The following KLF11 variants were observed in gnomAD, a reference collection of about 807,000 sequenced individuals.
KLF11 encodes KLF transcription factor 11.
Under a neutral mutation model 29.9 loss-of-function variants are expected in KLF11, and 26 were observed. That is an observed-to-expected ratio of 0.87 (90% CI 0.64 to 1.21). KLF11 has a LOEUF of 1.21. Ranked by LOEUF, KLF11 falls within the 50% of genes most tolerant of loss-of-function variation. The pLI is 0.00. For missense variants in KLF11, 778 were observed against 665.7 expected, an observed-to-expected ratio of 1.17 and a Z score of -1.86; for synonymous variants, 318 against 257.4, an observed-to-expected ratio of 1.24 and a Z score of -2.25.
In KLF11 at chr2:10,047,688, A is replaced by G. The variant is rs781433096; in HGVS notation, c.351A>G (p.Pro117=). Reference sequence around the variant, plus strand: ...CTCAGAGCCCTGATCTCGTGGAGCCATCGACAAGGACACCTGTTTCTCCCC... The same window carrying G: ...CTCAGAGCCCTGATCTCGTGGAGCCGTCGACAAGGACACCTGTTTCTCCCC... ...TPPQSPDLVE[P]STRTPVSPQV... is the part of the protein sequence containing the mutation. Residue 117 remains proline, a synonymous_variant, in exon 3 of 4, where the codon CCA becomes CCG. Coordinates refer to ENST00000305883, the MANE Select transcript of KLF11 (RefSeq NM_003597.5). The G allele has an allele frequency of 5.0e-6, 8 of 1,613,268 alleles. No individual in the cohort carries two copies. The highest frequency in any genetic ancestry group is 5.9e-6 in the Non-Finnish European group (7 of 1,180,010).
chr2:10,048,745 A>G (rs1052490105), intron 3 of KLF11, 150 bp downstream of exon 3: 3 of 708,196 alleles, frequency 4.2e-6, no homozygotes, highest in East Asian at 2.7e-5. Context: ...AGCCCGCACA[A>G]CCTTGTAAGG....
intron 3 of KLF11, among the ~76,000 whole-genome samples, chr2:10,049,469 A>G (rs186136224): frequency 1.3e-5 from 2 of 152,312 alleles, no homozygotes; most frequent in East Asian, 1.9e-4. Flanking sequence ...TTCAGACATT[A>G]TAAGAGGAAC....
Position 10,045,163 on chromosome 2 carries a change from C to T in KLF11, c.43-987C>T, listed in dbSNP as rs182887164. Reference sequence around the variant, plus strand: ...TCTGTCTCAAAAAAACAAGGCCGGGCGCCTGTAATCCCAGCACTTGGGGAG... The same window carrying T: ...TCTGTCTCAAAAAAACAAGGCCGGGTGCCTGTAATCCCAGCACTTGGGGAG... On this transcript the variant is annotated intron_variant, in intron 1 of 3. Transcript: ENST00000305883. 2.0e-5 allele frequency among the ~76,000 whole-genome samples: 3 copies of T among 150,142 alleles called. No homozygotes were observed. The East Asian group carries it at 6.1e-4, about 30-fold the overall frequency.
At chr2:10,051,189 T>C (rs1282918100) in intron 3 of KLF11, among the ~76,000 whole-genome samples, 1 of 151,562 alleles carries the variant, frequency 6.6e-6, no homozygotes, top group East Asian at 1.9e-4. Context: ...ATTACAGGTG[T>C]GAGCCACCAT....
At chr2:10,043,787 T>A in intron 1 of KLF11, 29 bp downstream of exon 1, 1 of 1,356,726 alleles carries the variant, frequency 7.4e-7, no homozygotes, top group Admixed American at 2.4e-5. Context: ...GCGGCGGGAC[T>A]ACTCGTCTGA....
chr2:10,046,220 G>A lies in KLF11; in HGVS notation c.113G>A (p.Ser38Asn). The change falls in exon 2 of 4, where the codon AGC (serine) becomes AAC (asparagine). Residue 38 changes from serine (S) to asparagine (N), a missense_variant. Physicochemically the swap from Ser to Asn is conservative, Grantham distance 46. Transcript: ENST00000305883. ...KRHDSERSTC[S>N]ILEQTDMEAV... ...CATGACAGCGAAAGGTCTACTTGCA[G>A]CATCTTGGAGCAGACAGACATGGAA... The A allele has an allele frequency of 6.2e-7, 1 of 1,614,202 alleles. No individual in the cohort carries two copies. The highest frequency in any genetic ancestry group is 8.5e-7 in the Non-Finnish European group (1 of 1,180,042).
In KLF11 at chr2:10,043,606, G is replaced by C; in HGVS notation, c.-111G>C. ...CGGGCGGGCGAGGCGCGTGCCGGCC[G>C]CAGGAGCTCCGGGTTGCCGCCGCCG... is the stretch of plus-strand genomic sequence containing the variant. On this transcript the variant is annotated 5_prime_UTR_variant, in exon 1 of 4. Transcript: ENST00000305883. 1.4e-6 allele frequency: 1 copy of C among 712,892 alleles called. No individual in the cohort carries two copies. The highest frequency in any genetic ancestry group is 1.7e-6 in the Non-Finnish European group (1 of 584,306). 44.2% of individuals were successfully genotyped at this position (712,892 alleles called of 1,614,324 possible). A position where few individuals can be genotyped will look rare whatever the true frequency, so the allele number is the denominator to read the frequency against.
Position 10,046,809 on chromosome 2 carries a change from C to G in KLF11, c.312+390C>G, listed in dbSNP as rs184029441. Among the ~76,000 whole-genome samples, 401 of 152,204 alleles carry G rather than the reference C, an allele frequency of 2.6e-3. 6 individuals carry two copies. In the Middle Eastern group the frequency reaches 0.027, roughly 10 times the overall value. On this transcript the variant is annotated intron_variant, in intron 2 of 3. Coordinates refer to ENST00000305883, the MANE Select transcript of KLF11 (RefSeq NM_003597.5). ...GGCGGAGGTTGCAGTGAGCCGAGAT[C>G]GTGCCACTGCACTCCAGCCTGGGCA...
intron 3 of KLF11, among the ~76,000 whole-genome samples, chr2:10,048,856 T>C (rs189282902): frequency 9.7e-4 from 148 of 152,148 alleles, no homozygotes; most frequent in Middle Eastern, 3.4e-3. Context: ...TGGTAGCTTT[T>C]AGAGTGACTT....
chr2:10,050,898 T>TG (rs1661384050), intron 3 of KLF11, among the ~76,000 whole-genome samples: 1 of 99,378 alleles, frequency 1.0e-5, no homozygotes, highest in African/African-American at 3.8e-5. Context: ...CTACCTTTTT[T>TG]TTTTTTTTTT....
At chr2:10,050,824 T>C (rs1468508450) in intron 3 of KLF11, among the ~76,000 whole-genome samples, 2 of 151,816 alleles carry the variant, frequency 1.3e-5, no homozygotes, top group Non-Finnish European at 2.9e-5. Context: ...TAAGATTGCT[T>C]TTTATATATA....
intron 1 of KLF11, 156 bp downstream of exon 1, chr2:10,043,914 C>CGGGCG: frequency 1.5e-5 from 15 of 1,018,048 alleles, no homozygotes; most frequent in Non-Finnish European, 1.8e-5. Context: ...GCTCCGGAGC[C>CGGGCG]GGGCGGGGCG....
At chr2:10,048,928 TTTA>T (rs1259204218) in intron 3 of KLF11, among the ~76,000 whole-genome samples, 3 of 147,642 alleles carry the variant, frequency 2.0e-5, no homozygotes, top group Non-Finnish European at 3.0e-5. Flanking sequence ...TTTTTTTTTT[TTTA>T]AAGAAAACAT....
Position 10,043,768 on chromosome 2 carries a change from G to A in KLF11, c.42+10G>A, listed in dbSNP as rs1235781203. 3 of 1,374,098 alleles carry A rather than the reference G, an allele frequency of 2.2e-6. No homozygotes were observed. Among genetic ancestry groups the A allele is most frequent in the South Asian group, 1.3e-5 (1 of 78,534 alleles). The allele number at this position is 1,374,098 out of a possible 1,614,324, so 85.1% of individuals were successfully genotyped here. A position where few individuals can be genotyped will look rare whatever the true frequency, so the allele number is the denominator to read the frequency against. The stretch of plus-strand genomic sequence containing the variant: ...AGACGACGCGCGCGCAGTGAGTGGT[G>A]GGGCTGCCGCGGCGGGACTACTCGT... On this transcript the variant is annotated intron_variant, in intron 1 of 3. Transcript: ENST00000305883.
intron 1 of KLF11, among the ~76,000 whole-genome samples, chr2:10,045,205 C>T (rs2125276238): frequency 6.6e-6 from 1 of 152,046 alleles, no homozygotes; most frequent in East Asian, 1.9e-4. Context: ...GCGGGTGGAT[C>T]GCCTGAGGTC....
chr2:10,047,831 G>C lies in KLF11; in HGVS notation c.494G>C (p.Ser165Thr), dbSNP rs1465761299. Residue 165 changes from serine to threonine, a missense_variant, in exon 3 of 4, where the codon AGC becomes ACC. Coordinates refer to ENST00000305883, the MANE Select transcript of KLF11 (RefSeq NM_003597.5). ...TTGCTGGGTTTGGAGCCAGTGCCCA[G>C]CTCTCCCTGCAGGGCCAAGGGGACT... ...RGLLGLEPVP[S>T]SPCRAKGTSV... 1 of 1,613,628 alleles carries C rather than the reference G, an allele frequency of 6.2e-7. No individual in the cohort carries two copies. The highest frequency in any genetic ancestry group is 1.3e-5 in the African/African-American group (1 of 74,946).
rs778001312 is a variant in KLF11 at position 10,048,488 on chromosome 2, C to T, written c.1151C>T (p.Pro384Leu). 1.2e-6 allele frequency: 2 copies of T among 1,613,994 alleles called. No individual in the cohort carries two copies. Among genetic ancestry groups the T allele is most frequent in the Admixed American group, 1.7e-5 (1 of 60,018 alleles). The change falls in exon 3 of 4, where the codon CCT becomes CTT. Residue 384 changes from proline (P) to leucine (L), a missense_variant. Coordinates refer to ENST00000305883, the MANE Select transcript of KLF11 (RefSeq NM_003597.5). ...ATCACCTCTAGCCAAAACTGTGTCCCTCAGGTAGACTTTTCCCGAAGGAGG... is the reference window on the plus strand; with the variant it reads ...ATCACCTCTAGCCAAAACTGTGTCCTTCAGGTAGACTTTTCCCGAAGGAGG... ...VFITSSQNCV[P>L]QVDFSRRRNY...
chr2:10,044,759 C>G (rs1273661521), intron 1 of KLF11, among the ~76,000 whole-genome samples: 1 of 150,804 alleles, frequency 6.6e-6, no homozygotes, highest in Non-Finnish European at 1.5e-5. Flanking sequence ...TATTACTCTT[C>G]TCAGAGTAAT....
chr2:10,047,169 G>T (rs1404569448), intron 2 of KLF11, among the ~76,000 whole-genome samples: 4 of 152,292 alleles, frequency 2.6e-5, no homozygotes, highest in African/African-American at 9.6e-5. Context: ...TGTGAGTTGG[G>T]TGCAGTAAGT....
Sources: allele counts gnomAD v4.1 joint callset (sites outside exome capture counted in the v4.1 genomes callset), GRCh38; gene constraint gnomAD v4.1.1; transcripts MANE v1.5; gene names NCBI Gene and HGNC (gene_info 2026-07-23, HGNC 2026-07-21).